PDXDC1: variants seen among roughly 807,000 people sequenced by gnomAD.
PDXDC1 encodes pyridoxal dependent decarboxylase domain containing 1.
PDXDC1 carries 42 observed loss-of-function variants against 100.1 expected under a neutral mutation model. The observed-to-expected ratio is 0.42, with a 90% confidence interval of 0.33 to 0.54. The LOEUF (loss-of-function observed/expected upper bound fraction) is 0.54. PDXDC1 is among the 20% of genes least tolerant of loss of function. The pLI, the probability that PDXDC1 is intolerant of heterozygous loss-of-function variation, is 0.10. For missense variants in PDXDC1, 636 were observed against 979.2 expected (o/e 0.65, Z 4.68); for synonymous variants, 260 against 371.7 (o/e 0.70, Z 3.46).
chr16:15,127,487 A>C (rs781544598), intron 16 of PDXDC1: 3 of 1,558,876 alleles, frequency 1.9e-6, no homozygotes, highest in Admixed American at 1.8e-5. Context: ...CGGGACATCC[A>C]GAAGAGAAAG....
At chr16:14,991,665 T>C (rs1412503141) in intron 1 of PDXDC1, among the ~76,000 whole-genome samples, 1 of 152,206 alleles carries the variant, frequency 6.6e-6, no homozygotes, top group Non-Finnish European at 1.5e-5. Flanking sequence ...ACCAGAGGCA[T>C]GCACTACCAT....
At chr16:15,040,189 G>C, downstream of PDXDC1, 1 of 509,762 alleles carries the variant, frequency 2.0e-6, no homozygotes, top group Non-Finnish European at 3.5e-6. Flanking sequence ...TGGCTCCTAA[G>C]TATCTGGACT....
At chr16:15,103,511 ATTTATTT>A (rs1407036264) in intron 16 of PDXDC1, among the ~76,000 whole-genome samples, 2 of 149,822 alleles carry the variant, frequency 1.3e-5, no homozygotes, top group South Asian at 2.1e-4. Flanking sequence ...TATTTATTTT[ATTTATTT>A]TTTGAGTCAG....
At chr16:15,068,734 T>C (rs1476211824) in intron 16 of PDXDC1, among the ~76,000 whole-genome samples, 2 of 152,210 alleles carry the variant, frequency 1.3e-5, no homozygotes. Flanking sequence ...TAGTTTTTTT[T>C]CTAAACAAGA....
chr16:15,151,986 G>T, the PDXDC1 span, among the ~76,000 whole-genome samples: 1 of 147,024 alleles, frequency 6.8e-6, no homozygotes, highest in Non-Finnish European at 1.5e-5. Flanking sequence ...GTCGGGGCAG[G>T]GAGGGCAGGG....
chr16:15,038,363 T>TTGAG, downstream of PDXDC1: 1 of 540,502 alleles, frequency 1.9e-6, no homozygotes, highest in Non-Finnish European at 3.2e-6. Flanking sequence ...AAAAAGTTGA[T>TTGAG]TGCTTACTGC....
intron 16 of PDXDC1, among the ~76,000 whole-genome samples, chr16:15,074,100 G>A (rs2045351510): frequency 6.6e-6 from 1 of 152,064 alleles, no homozygotes; most frequent in Admixed American, 6.6e-5. Context: ...TAGAAATGTG[G>A]CCATTTAAAT....
intron 16 of PDXDC1, among the ~76,000 whole-genome samples, chr16:15,054,951 G>A (rs1249260387): frequency 6.6e-6 from 1 of 152,162 alleles, no homozygotes; most frequent in East Asian, 1.9e-4. Context: ...ATCTCAGAGT[G>A]AAAGGGGACG....
downstream of PDXDC1, chr16:15,041,575 C>A: frequency 7.4e-7 from 1 of 1,352,474 alleles, no homozygotes. Context: ...GGGGACAAAA[C>A]GGTCCTGAGA....
intron 16 of PDXDC1, chr16:15,109,197 CAA>C: frequency 6.7e-6 from 1 of 148,614 alleles, no homozygotes; most frequent in Admixed American, 6.8e-5. Context: ...GTAATATGAC[CAA>C]AACATGAAAG....
chr16:15,104,865 C>G lies in PDXDC1; in HGVS notation c.1400-34014C>G, dbSNP rs1385168896. 146 of 1,519,872 alleles carry G rather than the reference C, an allele frequency of 9.6e-5. 2 individuals are homozygous for G. The highest frequency in any genetic ancestry group is 9.4e-4 in the Middle Eastern group (4 of 4,266). The allele number at this position is 1,519,872 out of a possible 1,614,324, so 94.1% of individuals were successfully genotyped here. A position where few individuals can be genotyped will look rare whatever the true frequency, so the allele number is the denominator to read the frequency against. On this transcript the variant is annotated intron_variant, in intron 16 of 16. Transcript: ENST00000535621. ...CTGTTGCTGGTGATAGATTTTTGCA[C>G]CTTTCCATCCTCCAGGTTTCAAAAT...
At chr16:15,041,742 G>T, downstream of PDXDC1, 2 of 1,178,960 alleles carry the variant, frequency 1.7e-6, no homozygotes, top group Non-Finnish European at 1.3e-6. Flanking sequence ...AAACTGCTGA[G>T]CAAGCCAACG....
Position 15,031,901 on chromosome 16 carries a change from T to A in PDXDC1, c.1566T>A (p.Val522=). The change falls in exon 17 of 23, where the codon GTT becomes GTA. Residue 522 remains valine, a synonymous_variant. Transcript: ENST00000396410. ...VDDPNWSGIG[V]VRYEHANDDK... ...ACCCTAACTGGTCTGGAATAGGGGT[T>A]GTCAGGTAAAGTCTTGGCCTGCCGC... is the stretch of plus-strand genomic sequence containing the variant. 1 of 1,605,932 alleles carries A rather than the reference T, an allele frequency of 6.2e-7. No individual in the cohort carries two copies. Among genetic ancestry groups the A allele is most frequent in the Non-Finnish European group, 8.5e-7 (1 of 1,175,244 alleles).
intron 16 of PDXDC1, among the ~76,000 whole-genome samples, chr16:15,077,826 C>T (rs1257674410): frequency 7.9e-5 from 12 of 152,268 alleles, no homozygotes; most frequent in Admixed American, 4.6e-4. Flanking sequence ...GGGCAAGAAG[C>T]GAGACACCAT....
intron 16 of PDXDC1, among the ~76,000 whole-genome samples, chr16:15,101,370 G>T (rs933631702): frequency 1.3e-5 from 2 of 152,200 alleles, no homozygotes; most frequent in African/African-American, 4.8e-5. Context: ...AGGACGGACT[G>T]CAGTGGCACG....
chr16:15,063,214 G>A (rs1383490570), intron 16 of PDXDC1: 3 of 1,611,308 alleles, frequency 1.9e-6, no homozygotes, highest in South Asian at 1.1e-5. Context: ...TGGGTTTCTT[G>A]AACTCCTGTA....
intron 16 of PDXDC1, among the ~76,000 whole-genome samples, chr16:15,046,354 C>T (rs4500751): frequency 0.3 from 46,140 of 152,016 alleles, 7,492 homozygotes; most frequent in Admixed American, 0.45. Flanking sequence ...ATGAGAGCAA[C>T]ACCTGCCAGG....
At chr16:14,996,029 T>C (rs1971882732) in intron 1 of PDXDC1, among the ~76,000 whole-genome samples, 1 of 152,280 alleles carries the variant, frequency 6.6e-6, no homozygotes, top group South Asian at 2.1e-4. Context: ...AATAAAAACT[T>C]TACTACTTTA....
At chr16:15,092,246 T>C (rs1290759924) in intron 16 of PDXDC1, among the ~76,000 whole-genome samples, 1 of 152,194 alleles carries the variant, frequency 6.6e-6, no homozygotes, top group African/African-American at 2.4e-5. Flanking sequence ...TAAAAGATGC[T>C]TCGTAAATAA....
Sources: allele counts gnomAD v4.1 joint callset (sites outside exome capture counted in the v4.1 genomes callset), GRCh38; gene constraint gnomAD v4.1.1; transcripts MANE v1.5; gene names NCBI Gene and HGNC (gene_info 2026-07-23, HGNC 2026-07-21).